The following DNAH8 variants were observed in gnomAD, a reference collection of about 807,000 sequenced individuals.
DNAH8 encodes the protein dynein axonemal heavy chain 8.
DNAH8 carries 382 observed loss-of-function variants against 562.1 expected under a neutral mutation model. The observed-to-expected ratio is 0.68, with a 90% CI of 0.63 to 0.74. The LOEUF (loss-of-function observed/expected upper bound fraction) is 0.74, where lower values mean the gene tolerates loss of function less well. DNAH8 is among the 30% of genes least tolerant of loss of function. The pLI, the probability that DNAH8 is intolerant of heterozygous loss-of-function variation, is 0.00. For synonymous variants in DNAH8, 1,881 were observed against 1,919.4 expected (o/e 0.98, Z 0.52); for missense variants, 5,203 against 5,620.4 (o/e 0.93, Z 2.37).
At chr6:38,980,666 G>A (rs114397360) in intron 85 of DNAH8, among the ~76,000 whole-genome samples, 3 of 152,240 alleles carry the variant, frequency 2.0e-5, no homozygotes, top group South Asian at 4.2e-4. Flanking sequence ...GTCACATAGC[G>A]CAAATCTCTA....
chr6:38,938,257 G>C, intron 78 of DNAH8, 31 bp downstream of exon 78: 1 of 1,578,670 alleles, frequency 6.3e-7, no homozygotes, highest in Non-Finnish European at 8.6e-7. Context: ...TCCAAAAGTG[G>C]TGACTTAAAA....
chr6:38,804,919 C>G (rs981626740), intron 22 of DNAH8, among the ~76,000 whole-genome samples: 18 of 89,036 alleles, frequency 2.0e-4, no homozygotes, highest in Admixed American at 4.1e-4. Context: ...TGGGGGTGGC[C>G]GGGGGGGAGG....
chr6:38,752,257 G>A (rs1020322840), intron 9 of DNAH8, among the ~76,000 whole-genome samples: 3 of 148,982 alleles, frequency 2.0e-5, no homozygotes, highest in Non-Finnish European at 3.0e-5. Context: ...TCCGCCTCCC[G>A]GGTTCAAGCA....
Position 38,823,600 on chromosome 6 carries a change from A to T in DNAH8, c.3759A>T (p.Arg1253Ser). ...ACAACCCCTCTCTGACTGAAATCAG[A>T]TCAGAAATTCTACACTATGCTACTT... ...LANNPSLTEI[R>S]SEILHYATFE... The change falls in exon 28 of 93, where the codon AGA becomes AGT. Residue 1253 changes from arginine (R) to serine (S), a missense_variant. Physicochemically the swap from Arg to Ser is moderately radical, Grantham distance 110. Around this residue, in one of 6 missense-constraint regions of DNAH8, gnomAD observed 2,176 missense variants for 2,365.1 expected, o/e 0.92. Coordinates refer to ENST00000327475, the MANE Select transcript of DNAH8 (RefSeq NM_001206927.2). The T allele has an allele frequency of 6.2e-7, 1 of 1,609,744 alleles. No individual in the cohort carries two copies. The highest frequency in any genetic ancestry group is 1.1e-5 in the South Asian group (1 of 90,884).
chr6:38,766,571 C>T (rs1015111204), intron 11 of DNAH8, among the ~76,000 whole-genome samples: 7 of 152,122 alleles, frequency 4.6e-5, no homozygotes, highest in South Asian at 2.1e-4. Flanking sequence ...AATGCAACCT[C>T]CGCCTCCTGG....
intron 24 of DNAH8, among the ~76,000 whole-genome samples, chr6:38,809,454 T>G (rs1180345818): frequency 6.6e-6 from 1 of 152,186 alleles, no homozygotes; most frequent in East Asian, 1.9e-4. Flanking sequence ...TTTTTCCATA[T>G]GGTTAATTAG....
At chr6:38,872,416 A>G (rs1777539082) in intron 49 of DNAH8, 120 bp from the exon 50 acceptor site, 1 of 1,106,898 alleles carries the variant, frequency 9.0e-7, no homozygotes, top group Non-Finnish European at 1.3e-6. Flanking sequence ...CAACTTAAAA[A>G]TAGTGAACTA....
intron 88 of DNAH8, among the ~76,000 whole-genome samples, chr6:38,999,206 T>A (rs2150747528): frequency 6.6e-6 from 1 of 152,296 alleles, no homozygotes; most frequent in East Asian, 1.9e-4. Flanking sequence ...AGGTGGGATC[T>A]AGCAGCAGCA....
At position 39,008,988 on chromosome 6, in the gene DNAH8, C is replaced by T. The variant is rs753283536; in HGVS notation, c.13371+18C>T. ...CTCATGAGGTAAGTCTTGCTGGTTT[C>T]CCACTGGCATACAGGGCTATTTGTA... On this transcript the variant is annotated intron_variant, in intron 89 of 92. Coordinates refer to ENST00000327475, the MANE Select transcript of DNAH8 (RefSeq NM_001206927.2). 1.3e-6 allele frequency: 2 copies of T among 1,574,380 alleles called. No homozygotes were observed. The highest frequency in any genetic ancestry group is 1.7e-5 in the Admixed American group (1 of 58,204).
At chr6:38,783,269 CT>C in intron 17 of DNAH8, 130 bp downstream of exon 17, 1 of 688,316 alleles carries the variant, frequency 1.5e-6, no homozygotes. Flanking sequence ...TTTAGGGATG[CT>C]ACAGTGGTTT....
chr6:38,865,951 A>C (rs1479529563), intron 45 of DNAH8, among the ~76,000 whole-genome samples: 1 of 152,078 alleles, frequency 6.6e-6, no homozygotes, highest in Non-Finnish European at 1.5e-5. Flanking sequence ...TGAATCTCCA[A>C]CCTTCCTTTG....
At chr6:38,876,196 T>C (rs981501864) in intron 53 of DNAH8, among the ~76,000 whole-genome samples, 1 of 152,140 alleles carries the variant, frequency 6.6e-6, no homozygotes, top group Admixed American at 6.5e-5. Context: ...GCCCCACAAT[T>C]CCCCTGTTGG....
At position 38,884,011 on chromosome 6, in the gene DNAH8, TATCTC is replaced by T; in HGVS notation, c.8259+16_8259+20del. 2.0e-6 allele frequency: 3 copies of T among 1,508,174 alleles called. No homozygotes were observed. The highest frequency in any genetic ancestry group is 2.7e-6 in the Non-Finnish European group (3 of 1,122,114). The allele number at this position is 1,508,174 out of a possible 1,614,324, so 93.4% of individuals were successfully genotyped here. ...GTGGGGAGATCAGGTATGGCTGAAA[TATCTC>T]ATATAGATGATCCTGAATTTGTATT... On this transcript the variant is annotated intron_variant, in intron 56 of 92. Transcript: ENST00000327475.
At chr6:38,798,346 C>T (rs1770479693) in intron 21 of DNAH8, among the ~76,000 whole-genome samples, 1 of 152,192 alleles carries the variant, frequency 6.6e-6, no homozygotes, top group South Asian at 2.1e-4. Flanking sequence ...TAACTGTCTC[C>T]TAGTCCCTGG....
chr6:38,826,111 G>A (rs755691576), intron 28 of DNAH8, 45 bp from the exon 29 acceptor site: 47 of 1,342,958 alleles, frequency 3.5e-5, no homozygotes, highest in Non-Finnish European at 4.5e-5. Context: ...TATAGTTTCA[G>A]AATGCCAGTT....
intron 76 of DNAH8, among the ~76,000 whole-genome samples, chr6:38,934,670 G>A (rs1216430844): frequency 1.3e-5 from 2 of 152,158 alleles, no homozygotes; most frequent in African/African-American, 4.8e-5. Context: ...TGTTTAGTGA[G>A]AGTATCAGTG....
intron 1 of DNAH8, among the ~76,000 whole-genome samples, chr6:38,720,235 G>GCTAATA (rs1191050747): frequency 1.3e-5 from 2 of 152,190 alleles, no homozygotes; most frequent in Non-Finnish European, 2.9e-5. Context: ...TATCAGCAGT[G>GCTAATA]CTAAAGGGAG....
chr6:38,872,693 A>C lies in DNAH8; in HGVS notation c.7148A>C (p.Gln2383Pro). The change falls in exon 50 of 93, where the codon CAG becomes CCG. Residue 2383 changes from glutamine to proline, a missense_variant. By Grantham distance (76) the Gln-to-Pro change is moderately conservative (BLOSUM62 -1). Coordinates refer to ENST00000327475, the MANE Select transcript of DNAH8 (RefSeq NM_001206927.2). ...AATCCAAAAGCCATTACTGCACCTCAGATGTTTGGCAGACTGGACACTGCT... is the reference window on the plus strand; with the variant it reads ...AATCCAAAAGCCATTACTGCACCTCCGATGTTTGGCAGACTGGACACTGCT... ...RMNPKAITAP[Q>P]MFGRLDTATN... The C allele has an allele frequency of 6.2e-7, 1 of 1,614,118 alleles. No homozygotes were observed. The highest frequency in any genetic ancestry group is 8.5e-7 in the Non-Finnish European group (1 of 1,179,966).
chr6:39,025,882 A>G (rs1767241328), intron 91 of DNAH8, among the ~76,000 whole-genome samples: 1 of 152,198 alleles, frequency 6.6e-6, no homozygotes, highest in Admixed American at 6.5e-5. Flanking sequence ...ATTGATTGTT[A>G]CTCTCCAAGA....
Sources: gnomAD v4.1 joint callset for allele counts (sites outside exome capture counted in the v4.1 genomes callset) on GRCh38, gnomAD v4.1.1 for gene constraint, gnomAD v4.1.1 regional missense constraint, MANE v1.5 for transcripts, NCBI Gene and HGNC (gene_info 2026-07-23, HGNC 2026-07-21) for gene names.